Variants in NEGR1 observed in about 807,000 individuals in gnomAD.
The protein encoded by NEGR1 is neuronal growth regulator 1, also known as IgLON family member 4.
Under a neutral mutation model 40.9 loss-of-function variants are expected in NEGR1, and 10 were observed. That is an observed-to-expected ratio of 0.24 (90% CI 0.15 to 0.42). NEGR1 has a LOEUF of 0.42. NEGR1 is among the 10% of genes least tolerant of loss of function. NEGR1 has a pLI of 1.00. For synonymous variants in NEGR1, 185 were observed against 166.8 expected, an observed-to-expected ratio of 1.11 and a Z score of -0.84; for missense variants, 352 against 438.9, an observed-to-expected ratio of 0.80 and a Z score of 1.77.
At chr1:71,919,446 A>G (rs1329943533) in intron 2 of NEGR1, among the ~76,000 whole-genome samples, 1 of 151,864 alleles carries the variant, frequency 6.6e-6, no homozygotes, top group Non-Finnish European at 1.5e-5. Context: ...ATGTTACCAA[A>G]TTCTCTATTA....
At chr1:71,778,752 T>C (rs1218167495) in intron 2 of NEGR1, among the ~76,000 whole-genome samples, 1 of 152,168 alleles carries the variant, frequency 6.6e-6, no homozygotes, top group Non-Finnish European at 1.5e-5. Flanking sequence ...CATAAGAACA[T>C]GAATTCCATC....
chr1:72,080,852 C>T (rs927726242), intron 1 of NEGR1, among the ~76,000 whole-genome samples: 23 of 152,090 alleles, frequency 1.5e-4, no homozygotes, highest in African/African-American at 5.5e-4. Flanking sequence ...CCTGGATGAA[C>T]GAAGAAAAGC....
intron 6 of NEGR1, among the ~76,000 whole-genome samples, chr1:71,478,201 G>A (rs916696241): frequency 1.3e-5 from 2 of 151,900 alleles, no homozygotes; most frequent in East Asian, 1.9e-4. Context: ...CATGTGTATC[G>A]AATAAAAATA....
intron 1 of NEGR1, among the ~76,000 whole-genome samples, chr1:71,981,526 G>T (rs965100387): frequency 3.9e-5 from 6 of 152,156 alleles, no homozygotes; most frequent in Non-Finnish European, 7.4e-5. Context: ...TGGTGGAAGT[G>T]ATGGAAGTGA....
chr1:71,935,966 T>A (rs1645901546), intron 1 of NEGR1, among the ~76,000 whole-genome samples: 1 of 152,052 alleles, frequency 6.6e-6, no homozygotes, highest in African/African-American at 2.4e-5. Flanking sequence ...GCCCAGCTAA[T>A]TTTTGTATTT....
intron 2 of NEGR1, among the ~76,000 whole-genome samples, chr1:71,854,961 C>T (rs1053473853): frequency 2.0e-5 from 3 of 152,012 alleles, no homozygotes; most frequent in African/African-American, 4.8e-5. Context: ...TCCATCCACA[C>T]CAAGACTCAA....
At chr1:72,076,623 C>A (rs1647749131) in intron 1 of NEGR1, among the ~76,000 whole-genome samples, 1 of 150,868 alleles carries the variant, frequency 6.6e-6, no homozygotes, top group Admixed American at 6.7e-5. Flanking sequence ...GAGCCAATTT[C>A]TACGATAATA....
chr1:71,579,128 C>T (rs1649049673), intron 6 of NEGR1, among the ~76,000 whole-genome samples: 1 of 152,118 alleles, frequency 6.6e-6, no homozygotes, highest in South Asian at 2.1e-4. Flanking sequence ...ATCATTTCTG[C>T]TACATTTCCT....
intron 1 of NEGR1, among the ~76,000 whole-genome samples, chr1:72,241,424 G>GT (rs1212918113): frequency 1.3e-5 from 2 of 151,236 alleles, no homozygotes; most frequent in Non-Finnish European, 3.0e-5. Context: ...AAAGGGCTTT[G>GT]TTTTTTTCTT....
intron 4 of NEGR1, among the ~76,000 whole-genome samples, chr1:71,678,010 G>A (rs925581689): frequency 8.5e-5 from 13 of 152,142 alleles, no homozygotes; most frequent in African/African-American, 2.2e-4. Flanking sequence ...GAGATGGACT[G>A]AGCCTCAGAT....
intron 1 of NEGR1, among the ~76,000 whole-genome samples, chr1:71,953,566 A>G (rs983261714): frequency 6.6e-6 from 1 of 152,048 alleles, no homozygotes; most frequent in Admixed American, 6.6e-5. Context: ...GCTGACTCCA[A>G]TTTTGAAAGT....
rs561421174 is a variant in NEGR1, at chr1:71,647,439, T to A, written c.668-36293A>T. 1.1e-3 allele frequency among the ~76,000 whole-genome samples: 164 copies of A among 152,092 alleles called. 1 individual carries two copies. Among genetic ancestry groups the A allele is most frequent in the African/African-American group, 3.9e-3 (161 of 41,550 alleles). On this transcript the variant is annotated intron_variant, in intron 4 of 6. Transcript: ENST00000357731. Reference sequence around the variant, plus strand: ...AAGCACTATGTCTTTCCCACATTTTTATTTTTATTCATATTATTATTGGTG... The same window carrying A: ...AAGCACTATGTCTTTCCCACATTTTAATTTTTATTCATATTATTATTGGTG...
At chr1:71,982,309 T>A (rs1646360824) in intron 1 of NEGR1, among the ~76,000 whole-genome samples, 1 of 152,150 alleles carries the variant, frequency 6.6e-6, no homozygotes, top group Admixed American at 6.6e-5. Context: ...ACTTTCAGCA[T>A]AACACAGAAG....
At chr1:72,274,618 C>A in intron 1 of NEGR1, 1 of 801,784 alleles carries the variant, frequency 1.2e-6, no homozygotes, top group Non-Finnish European at 2.3e-6. Flanking sequence ...ACTCTATGGC[C>A]TTGGAGAACT....
intron 1 of NEGR1, among the ~76,000 whole-genome samples, chr1:72,259,606 G>A (rs1655389856): frequency 6.6e-6 from 1 of 152,048 alleles, no homozygotes; most frequent in Non-Finnish European, 1.5e-5. Flanking sequence ...AGTTTTACTA[G>A]TGTATTATAT....
At chr1:72,050,307 T>C (rs1261292083) in intron 1 of NEGR1, among the ~76,000 whole-genome samples, 1 of 151,592 alleles carries the variant, frequency 6.6e-6, no homozygotes, top group Non-Finnish European at 1.5e-5. Context: ...ATAATGCAGT[T>C]AAATAATAAA....
intron 1 of NEGR1, among the ~76,000 whole-genome samples, chr1:72,007,230 T>C (rs1646615637): frequency 6.6e-6 from 1 of 152,152 alleles, no homozygotes; most frequent in African/African-American, 2.4e-5. Context: ...ATTAATAAGC[T>C]TGACCATTTC....
chr1:71,531,796 G>T (rs982945448), intron 6 of NEGR1, among the ~76,000 whole-genome samples: 2 of 151,402 alleles, frequency 1.3e-5, no homozygotes, highest in Non-Finnish European at 3.0e-5. Context: ...TATATTATGA[G>T]ATTCTTTAAA....
chr1:71,927,720 C>T (rs1645788055), intron 2 of NEGR1, among the ~76,000 whole-genome samples: 1 of 144,998 alleles, frequency 6.9e-6, no homozygotes, highest in Non-Finnish European at 1.5e-5. Context: ...GGGCTCATGT[C>T]AGTAATCCCA....
Sources: allele counts gnomAD v4.1 joint callset (sites outside exome capture counted in the v4.1 genomes callset), GRCh38; gene constraint gnomAD v4.1.1; transcripts MANE v1.5; gene names NCBI Gene and HGNC (gene_info 2026-07-23, HGNC 2026-07-21).